The following TESC variants were observed in gnomAD, a reference collection of about 807,000 sequenced individuals.
The protein encoded by TESC is tescalcin, also known as calcineurin B homologous protein 3.
TESC carries 19 observed loss-of-function variants against 31.0 expected under a neutral mutation model. That is an observed-to-expected ratio of 0.61 (90% confidence interval 0.43 to 0.90). TESC has a LOEUF of 0.90. Ranked by LOEUF, TESC falls within the 40% of genes least tolerant of loss-of-function variation. The pLI is 0.00. For missense variants in TESC, 248 were observed against 303.8 expected, an observed-to-expected ratio of 0.82 and a Z score of 1.36; for synonymous variants, 109 against 114.8, an observed-to-expected ratio of 0.95 and a Z score of 0.32.
At chr12:117,064,060 G>T (rs1954836928) in intron 2 of TESC, among the ~76,000 whole-genome samples, 2 of 152,002 alleles carry the variant, frequency 1.3e-5, no homozygotes, top group African/African-American at 4.8e-5. Flanking sequence ...GAGCAGCTGG[G>T]ACTACAGGTG....
At chr12:117,047,647 C>G (rs1031142806) in intron 4 of TESC, among the ~76,000 whole-genome samples, 1 of 152,142 alleles carries the variant, frequency 6.6e-6, no homozygotes, top group Admixed American at 6.5e-5. Context: ...TGGTCTCAAA[C>G]TCCCAACCTC....
At position 117,099,296 on chromosome 12, in the gene TESC, G is replaced by T; in HGVS notation, c.-14C>A. On this transcript the variant is annotated 5_prime_UTR_variant, in exon 1 of 8. Transcript: ENST00000335209. ...GGCAGCGCCCATGGTGCCCGCGGCG[G>T]GGGCCCCGGGGCGCGCGTCCCTCTC... 1.4e-6 allele frequency: 2 copies of T among 1,425,856 alleles called. No individual in the cohort carries two copies. Among genetic ancestry groups the T allele is most frequent in the Non-Finnish European group, 1.8e-6 (2 of 1,095,580 alleles). The allele number at this position is 1,425,856 out of a possible 1,614,324, so 88.3% of individuals were successfully genotyped here.
At chr12:117,040,165 G>A (rs373672933) in intron 7 of TESC, among the ~76,000 whole-genome samples, 9 of 152,248 alleles carry the variant, frequency 5.9e-5, no homozygotes, top group Admixed American at 3.3e-4. Context: ...ATTTCCGGCC[G>A]CAGCCCCCAG....
At chr12:117,053,427 A>C (rs1338389644) in intron 3 of TESC, among the ~76,000 whole-genome samples, 1 of 151,778 alleles carries the variant, frequency 6.6e-6, no homozygotes, top group Admixed American at 6.6e-5. Flanking sequence ...CGAAAACACA[A>C]CTCCTGGGTC....
At chr12:117,065,056 G>A (rs1954856300) in intron 2 of TESC, among the ~76,000 whole-genome samples, 1 of 152,222 alleles carries the variant, frequency 6.6e-6, no homozygotes, top group African/African-American at 2.4e-5. Context: ...GGTGTGGCAG[G>A]GGCCCAACCG....
intron 1 of TESC, among the ~76,000 whole-genome samples, chr12:117,096,253 C>A (rs1399030654): frequency 6.6e-6 from 1 of 152,162 alleles, no homozygotes; most frequent in Non-Finnish European, 1.5e-5. Context: ...GAGTCAGCAG[C>A]CCTGTGGGCT....
At chr12:117,094,077 T>C (rs1354136343) in intron 1 of TESC, among the ~76,000 whole-genome samples, 1 of 152,168 alleles carries the variant, frequency 6.6e-6, no homozygotes, top group Non-Finnish European at 1.5e-5. Context: ...ACTTGGCTGC[T>C]GTCACCACGG....
At chr12:117,077,750 C>A (rs1012877371) in intron 1 of TESC, among the ~76,000 whole-genome samples, 1 of 152,042 alleles carries the variant, frequency 6.6e-6, no homozygotes, top group Non-Finnish European at 1.5e-5. Context: ...TCATAGATGA[C>A]GCTAATATTG....
Position 117,075,866 on chromosome 12 carries a change from TA to T in TESC, c.59-527del, listed in dbSNP as rs1565971368. On this transcript the variant is annotated intron_variant, in intron 1 of 7. Coordinates refer to ENST00000335209, the MANE Select transcript of TESC (RefSeq NM_017899.4). ...GTGTGTGTATATATATATATATATA[TA>T]TATGTGTGTATATATATATATATAT... Among the ~76,000 whole-genome samples, 25 of 35,990 alleles carry T rather than the reference TA, an allele frequency of 6.9e-4. 1 individual carries two copies. Among genetic ancestry groups the T allele is most frequent in the African/African-American group, 3.0e-3 (25 of 8,364 alleles). 23.6% of individuals were successfully genotyped at this position (35,990 alleles called of 152,430 possible).
chr12:117,099,228 C>T lies in TESC; in HGVS notation c.55G>A (p.Gly19Ser). ...EEVRELEGKT[G>S]FSSDQIEQLH... ...GCCGCCCCCCGCGGGTACTCACAGC[C>T]GGTCTTGCCCTCGAGCTCCCGCACC... Residue 19 changes from glycine (G) to serine (S), a missense_variant, in exon 1 of 8, where the codon GGC (glycine) becomes AGC (serine). Physicochemically the swap from Gly to Ser is moderately conservative, Grantham distance 56. Coordinates refer to ENST00000335209, the MANE Select transcript of TESC (RefSeq NM_017899.4). 6.8e-7 allele frequency: 1 copy of T among 1,481,152 alleles called. No homozygotes were observed. Among genetic ancestry groups the T allele is most frequent in the Non-Finnish European group, 8.9e-7 (1 of 1,123,674 alleles). 91.8% of individuals were successfully genotyped at this position (1,481,152 alleles called of 1,614,324 possible). A position where few individuals can be genotyped will look rare whatever the true frequency, so the allele number is the denominator to read the frequency against.
At chr12:117,047,866 G>A (rs1300275524) in intron 4 of TESC, among the ~76,000 whole-genome samples, 2 of 151,952 alleles carry the variant, frequency 1.3e-5, no homozygotes, top group African/African-American at 2.4e-5. Flanking sequence ...CCAGTCTCCC[G>A]AGTACCAGGG....
intron 1 of TESC, among the ~76,000 whole-genome samples, chr12:117,087,158 T>C (rs182422606): frequency 1.2e-4 from 18 of 152,316 alleles, no homozygotes; most frequent in Admixed American, 9.2e-4. Context: ...GTATACACCA[T>C]AGATCACTCT....
At chr12:117,096,457 G>T (rs1376588710) in intron 1 of TESC, among the ~76,000 whole-genome samples, 5 of 152,162 alleles carry the variant, frequency 3.3e-5, no homozygotes, top group African/African-American at 4.8e-5. Flanking sequence ...TCCAGGTGGG[G>T]GTACTGAGGC....
At position 117,051,014 on chromosome 12, in the gene TESC, C is replaced by T. The variant is rs550692758; in HGVS notation, c.210-1856G>A. On this transcript the variant is annotated intron_variant, in intron 3 of 7. Coordinates refer to ENST00000335209, the MANE Select transcript of TESC (RefSeq NM_017899.4). The stretch of plus-strand genomic sequence containing the variant: ...AACCCTTATCTCTACTGGACTGTGA[C>T]CATGAGCGCCCGAGGCTGCTGGGGC... Among the ~76,000 whole-genome samples, 10 of 152,296 alleles carry T rather than the reference C, an allele frequency of 6.6e-5. No homozygotes were observed. In the South Asian group the frequency reaches 1.0e-3, roughly 16 times the overall value.
At chr12:117,080,060 C>T (rs1466827576) in intron 1 of TESC, among the ~76,000 whole-genome samples, 1 of 152,100 alleles carries the variant, frequency 6.6e-6, no homozygotes, top group African/African-American at 2.4e-5. Flanking sequence ...GATTCTACGC[C>T]CATTCTAGAG....
intron 1 of TESC, among the ~76,000 whole-genome samples, chr12:117,085,155 G>A (rs184479249): frequency 1.3e-5 from 2 of 152,330 alleles, no homozygotes; most frequent in African/African-American, 4.8e-5. Flanking sequence ...GCTGGCAGAA[G>A]GCATAGCCTT....
At chr12:117,069,056 T>C (rs1049486860) in intron 2 of TESC, among the ~76,000 whole-genome samples, 1 of 151,488 alleles carries the variant, frequency 6.6e-6, no homozygotes, top group African/African-American at 2.4e-5. Context: ...GCCCCCCGAA[T>C]GGTAGGTGGC....
chr12:117,091,909 C>CA lies in TESC; in HGVS notation c.58+7315dup, dbSNP rs1955316580. On this transcript the variant is annotated intron_variant, in intron 1 of 7. Transcript: ENST00000335209. ...CAGATCACACAGATGTGCCGACTCT[C>CA]AGAGTCTCAGTCCAGAGCATGTGGG... Among the ~76,000 whole-genome samples the CA allele has an allele frequency of 2.0e-5, 3 of 152,324 alleles. No individual in the cohort carries two copies. The South Asian group carries it at 6.2e-4, about 32-fold the overall frequency.
At chr12:117,068,336 C>A (rs963324447) in intron 2 of TESC, among the ~76,000 whole-genome samples, 6 of 152,142 alleles carry the variant, frequency 3.9e-5, no homozygotes, top group African/African-American at 1.2e-4. Context: ...TTAAGACCAG[C>A]CTGGCCAACA....
Sources: gnomAD v4.1 joint callset for allele counts (sites outside exome capture counted in the v4.1 genomes callset) on GRCh38, gnomAD v4.1.1 for gene constraint, MANE v1.5 for transcripts, NCBI Gene and HGNC (gene_info 2026-07-23, HGNC 2026-07-21) for gene names.